The following OAS2 variants were observed in gnomAD, a reference collection of about 807,000 sequenced individuals.
OAS2 encodes the protein 2'-5'-oligoadenylate synthase 2.
A neutral mutation model predicts 71.3 loss-of-function variants in OAS2; 67 were observed. The observed-to-expected ratio is 0.94, with a 90% CI of 0.77 to 1.15. The LOEUF is 1.15. Ranked by LOEUF, OAS2 falls within the 50% of genes most tolerant of loss-of-function variation. The pLI, the probability that OAS2 is intolerant of heterozygous loss-of-function variation, is 0.00. For synonymous variants in OAS2, 327 were observed against 321.8 expected (o/e 1.02, Z -0.17); for missense variants, 789 against 822.5 (o/e 0.96, Z 0.50).
intron 3 of OAS2, 78 bp downstream of exon 3, chr12:112,995,552 C>A: frequency 7.4e-7 from 1 of 1,348,922 alleles, no homozygotes; most frequent in Non-Finnish European, 1.0e-6. Flanking sequence ...TAAAGTGCAA[C>A]AATCTTAGGT....
intron 2 of OAS2, 71 bp from the exon 3 acceptor site, chr12:112,995,225 T>G: frequency 7.0e-7 from 1 of 1,436,732 alleles, no homozygotes; most frequent in Non-Finnish European, 9.5e-7. Flanking sequence ...TGACCTTCAT[T>G]GTAGAGCAAC....
chr12:112,986,502 G>T (rs902699711), intron 1 of OAS2, among the ~76,000 whole-genome samples: 2 of 152,180 alleles, frequency 1.3e-5, no homozygotes, highest in African/African-American at 4.8e-5. Flanking sequence ...GACACATGTG[G>T]TCACTAGTGG....
At position 112,978,705 on chromosome 12, in the gene OAS2, C is replaced by T; in HGVS notation, c.97C>T (p.Leu33=). ...GAAGCCCTACGAAGAATGTCAGACA[C>T]TGATCGACGAGATGGTGAACACCAT... ...YLKPYEECQT[L]IDEMVNTICD... Residue 33 remains leucine, a synonymous_variant, in exon 1 of 10, where the codon CTG becomes TTG. Transcript: ENST00000392583. The surrounding 1 kb of genome is among the most constrained non-coding windows in gnomAD (Gnocchi z 4.2). 1 of 1,614,196 alleles carries T rather than the reference C, an allele frequency of 6.2e-7. No homozygotes were observed. Among genetic ancestry groups the T allele is most frequent in the South Asian group, 1.1e-5 (1 of 91,080 alleles).
intron 1 of OAS2, among the ~76,000 whole-genome samples, chr12:112,980,527 A>T (rs1036484341): frequency 6.6e-6 from 1 of 152,174 alleles, no homozygotes; most frequent in Non-Finnish European, 1.5e-5. Flanking sequence ...CATTTAACAT[A>T]ATGACCTCTA....
chr12:112,986,860 G>A (rs1188852500), intron 1 of OAS2, among the ~76,000 whole-genome samples, 178 bp from the exon 2 acceptor site: 2 of 152,226 alleles, frequency 1.3e-5, no homozygotes, highest in East Asian at 3.8e-4. Flanking sequence ...GTTGGGGCTA[G>A]TATGAAAAGT....
At chr12:112,995,534 A>G in intron 3 of OAS2, 60 bp downstream of exon 3, 7 of 1,488,224 alleles carry the variant, frequency 4.7e-6, no homozygotes, top group Non-Finnish European at 5.5e-6. Context: ...GAGATAATTG[A>G]CATCCAGTAA....
At chr12:112,996,571 A>G (rs544705435) in intron 3 of OAS2, among the ~76,000 whole-genome samples, 82 of 152,148 alleles carry the variant, frequency 5.4e-4, no homozygotes, top group African/African-American at 1.8e-3. Context: ...GATTGCAGTG[A>G]GAGAGTGAAG....
intron 2 of OAS2, chr12:112,988,218 C>A: frequency 1.0e-6 from 1 of 985,346 alleles, no homozygotes; most frequent in Non-Finnish European, 1.2e-6. Context: ...TAATGGTCAT[C>A]AATACCACTG....
rs763945267 is a variant in OAS2, at chr12:113,004,915, A to C, written c.1180-19A>C. On this transcript the variant is annotated intron_variant, in intron 6 of 9. Coordinates refer to ENST00000392583, the MANE Select transcript of OAS2 (RefSeq NM_002535.3). ...TCGGTTAAGGAAATTCTGGATCTCA[A>C]CCTTCCTTTCTTCCTTAGGGAGGAT... 1 of 1,610,294 alleles carries C rather than the reference A, an allele frequency of 6.2e-7. No individual in the cohort carries two copies. The highest frequency in any genetic ancestry group is 8.5e-7 in the Non-Finnish European group (1 of 1,177,270).
chr12:112,997,548 C>G lies in OAS2; in HGVS notation c.656C>G (p.Ser219Trp), dbSNP rs140260803. The G allele has an allele frequency of 2.5e-6, 4 of 1,613,900 alleles. No homozygotes were observed. In the African/African-American group the frequency reaches 5.3e-5, roughly 22 times the overall value. ...CAGAAAAAAATCAAGGATTTACCCT[C>G]GCTGTCTCCGTATGCCCTGGAGCTG... The part of the protein sequence containing the change: ...QCQKKIKDLP[S>W]LSPYALELLT... Residue 219 changes from serine (S) to tryptophan (W), a missense_variant, in exon 4 of 10, where the codon TCG (serine) becomes TGG (tryptophan). Transcript: ENST00000392583.
At position 113,009,815 on chromosome 12, in the gene OAS2, G is replaced by C. The variant is rs2044364656; in HGVS notation, c.*560G>C. 1 of 986,634 alleles carries C rather than the reference G, an allele frequency of 1.0e-6. No individual in the cohort carries two copies. The highest frequency in any genetic ancestry group is 6.1e-5 in the Admixed American group (1 of 16,414). 61.1% of individuals were successfully genotyped at this position (986,634 alleles called of 1,614,324 possible). A position where few individuals can be genotyped will look rare whatever the true frequency, so the allele number is the denominator to read the frequency against. Reference sequence around the variant, plus strand: ...ACAAAGATGACTGTGGACGTGGGTTGCACTGGCCACCCAAGGATGTCTGCC... The same window carrying C: ...ACAAAGATGACTGTGGACGTGGGTTCCACTGGCCACCCAAGGATGTCTGCC... On this transcript the variant is annotated 3_prime_UTR_variant, in exon 10 of 10. Transcript: ENST00000392583.
intron 2 of OAS2, chr12:112,988,118 A>T (rs2044157239): frequency 1.0e-6 from 1 of 985,380 alleles, no homozygotes; most frequent in African/African-American, 1.7e-5. Context: ...CATACAAAAC[A>T]TCTCCCACTA....
chr12:113,007,737 G>A lies in OAS2; in HGVS notation c.1689G>A (p.Leu563=), dbSNP rs758249045. 6.2e-7 allele frequency: 1 copy of A among 1,614,090 alleles called. No homozygotes were observed. Among genetic ancestry groups the A allele is most frequent in the Non-Finnish European group, 8.5e-7 (1 of 1,179,982 alleles). The part of the protein sequence containing the change: ...CERKLKPKGS[L]PPKYALELLT... ...GGAAACTGAAGCCAAAGGGGTCTTT[G>A]CCCCCAAAGTATGCCTTGGAGCTGC... The change falls in exon 9 of 10, where the codon TTG becomes TTA. Residue 563 remains leucine (L), a synonymous_variant. Coordinates refer to ENST00000392583, the MANE Select transcript of OAS2 (RefSeq NM_002535.3).
intron 9 of OAS2, among the ~76,000 whole-genome samples, chr12:113,008,596 A>G (rs1006089066): frequency 6.6e-6 from 1 of 152,166 alleles, no homozygotes; most frequent in Non-Finnish European, 1.5e-5. Context: ...GGCAAATACA[A>G]TTTAATTCTA....
intron 2 of OAS2, among the ~76,000 whole-genome samples, chr12:112,989,036 T>C (rs1181910196): frequency 2.0e-5 from 3 of 152,234 alleles, no homozygotes; most frequent in Non-Finnish European, 2.9e-5. Flanking sequence ...AGCTTGGTTG[T>C]ATACGTGGTA....
At position 112,978,877 on chromosome 12, in the gene OAS2, T is replaced by G. The variant is rs975021556; in HGVS notation, c.177+92T>G. ...TACTGGGTGCTGGGTGCCTATTATG[T>G]GCGAGGCCCACACTTGGGTGGGATG... On this transcript the variant is annotated intron_variant, in intron 1 of 9. Coordinates refer to ENST00000392583, the MANE Select transcript of OAS2 (RefSeq NM_002535.3). This position sits in a 1 kb window ranked among gnomAD's most constrained non-coding sequence, Gnocchi z 4.2. 8.0e-7 allele frequency: 1 copy of G among 1,254,972 alleles called. No homozygotes were observed. Among genetic ancestry groups the G allele is most frequent in the Non-Finnish European group, 1.1e-6 (1 of 907,804 alleles). 77.7% of individuals were successfully genotyped at this position (1,254,972 alleles called of 1,614,324 possible). A position where few individuals can be genotyped will look rare whatever the true frequency, so the allele number is the denominator to read the frequency against.
rs369908745 is a variant in OAS2, at chr12:112,985,129, A to G, written c.178-1909A>G. ...CAGTTTGACTATAATATGCCTGCAG[A>G]AGACATTTTGGGGTTGAATCTATTT... On this transcript the variant is annotated intron_variant, in intron 1 of 9. Coordinates refer to ENST00000392583, the MANE Select transcript of OAS2 (RefSeq NM_002535.3). Among the ~76,000 whole-genome samples, 201 of 152,302 alleles carry G rather than the reference A, an allele frequency of 1.3e-3. 1 individual carries two copies. The highest frequency in any genetic ancestry group is 4.6e-3 in the African/African-American group (192 of 41,550).
intron 9 of OAS2, 35 bp downstream of exon 9, chr12:113,007,978 T>C (rs748554271): frequency 2.3e-5 from 34 of 1,458,940 alleles, no homozygotes; most frequent in Admixed American, 3.4e-5. Context: ...TTTCTTAACC[T>C]GATTCCCTTG....
chr12:113,010,529 AAG>A lies in OAS2; in HGVS notation c.*1277_*1278del, dbSNP rs1462958308. ...TTTAAAGACTCGGCTCACCGTGAGAAAGAGTCACTCACATCCATTCTTCCCTT... is the reference window on the plus strand; with the variant it reads ...TTTAAAGACTCGGCTCACCGTGAGAAAGTCACTCACATCCATTCTTCCCTT... On this transcript the variant is annotated 3_prime_UTR_variant, in exon 10 of 10. Coordinates refer to ENST00000392583, the MANE Select transcript of OAS2 (RefSeq NM_002535.3). 1 of 1,601,892 alleles carries A rather than the reference AAG, an allele frequency of 6.2e-7. No individual in the cohort carries two copies. The highest frequency in any genetic ancestry group is 2.2e-5 in the East Asian group (1 of 44,698).
Sources: allele counts gnomAD v4.1 joint callset (sites outside exome capture counted in the v4.1 genomes callset), GRCh38; gene constraint gnomAD v4.1.1; non-coding constraint Gnocchi (gnomAD v3.1); transcripts MANE v1.5; gene names NCBI Gene and HGNC (gene_info 2026-07-23, HGNC 2026-07-21).